Variants in ALG14 observed in about 807,000 individuals in gnomAD.
ALG14 encodes the protein ALG14 UDP-N-acetylglucosaminyltransferase subunit.
Under a neutral mutation model 22.8 loss-of-function variants are expected in ALG14, and 17 were observed. The observed-to-expected ratio is 0.75, with a 90% CI of 0.51 to 1.12. ALG14 has a LOEUF of 1.12. ALG14 is among the 50% of genes most tolerant of loss of function. The pLI, the probability that ALG14 is intolerant of heterozygous loss-of-function variation, is 0.00. For synonymous variants in ALG14, 89 were observed against 103.7 expected (o/e 0.86, Z 0.86); for missense variants, 288 against 271.8 (o/e 1.06, Z -0.42).
intron 3 of ALG14, among the ~76,000 whole-genome samples, chr1:95,012,736 T>A (rs1045769317): frequency 6.6e-6 from 1 of 152,178 alleles, no homozygotes; most frequent in Non-Finnish European, 1.5e-5. Context: ...AATCAGAGAC[T>A]CTTGGAGCTG....
At position 95,045,810 on chromosome 1, in the gene ALG14, C is replaced by T. The variant is rs531769699; in HGVS notation, c.289-18550G>A. ...TAGAATTAGTATACTAATAGAATGG[C>T]ATACTAATAGAATTAATATACTAAT... On this transcript the variant is annotated intron_variant, in intron 2 of 3. Coordinates refer to ENST00000370205, the MANE Select transcript of ALG14 (RefSeq NM_144988.4). 8.9e-3 allele frequency among the ~76,000 whole-genome samples: 1,258 copies of T among 141,298 alleles called. 65 individuals are homozygous for T. The highest frequency in any genetic ancestry group is 0.031 in the African/African-American group (1,197 of 38,144). 92.7% of individuals were successfully genotyped at this position (141,298 alleles called of 152,430 possible). A position where few individuals can be genotyped will look rare whatever the true frequency, so the allele number is the denominator to read the frequency against.
intron 2 of ALG14, among the ~76,000 whole-genome samples, chr1:95,034,495 G>T (rs1344725106): frequency 6.6e-6 from 1 of 152,188 alleles, no homozygotes; most frequent in Non-Finnish European, 1.5e-5. Flanking sequence ...GCTGGATGGT[G>T]ATGGGGAAGA....
chr1:95,054,793 T>C (rs113099415), intron 2 of ALG14, among the ~76,000 whole-genome samples: 9 of 152,288 alleles, frequency 5.9e-5, no homozygotes, highest in Non-Finnish European at 8.8e-5. Context: ...GAATAAAAAG[T>C]TGTCTATACT....
chr1:95,037,527 G>A (rs1403552026), intron 2 of ALG14, among the ~76,000 whole-genome samples: 1 of 152,194 alleles, frequency 6.6e-6, no homozygotes, highest in African/African-American at 2.4e-5. Flanking sequence ...ACTGTGGGAA[G>A]CCCGGTGGAG....
chr1:95,005,620 G>A (rs928468481), intron 3 of ALG14, among the ~76,000 whole-genome samples: 3 of 152,190 alleles, frequency 2.0e-5, no homozygotes, highest in South Asian at 2.1e-4. Flanking sequence ...CCTCTTTACT[G>A]CATTCTTTAC....
At chr1:95,025,547 C>T (rs1327201391) in intron 3 of ALG14, among the ~76,000 whole-genome samples, 1 of 152,178 alleles carries the variant, frequency 6.6e-6, no homozygotes, top group African/African-American at 2.4e-5. Flanking sequence ...TGAATGACAT[C>T]GTCGAATATA....
chr1:94,985,501 T>C (rs1408557410), intron 3 of ALG14, among the ~76,000 whole-genome samples: 1 of 152,226 alleles, frequency 6.6e-6, no homozygotes, highest in Non-Finnish European at 1.5e-5. Context: ...TGTTCTTTTC[T>C]TAGTCTTTGT....
At chr1:94,988,815 A>G (rs1258446208) in intron 3 of ALG14, among the ~76,000 whole-genome samples, 2 of 152,222 alleles carry the variant, frequency 1.3e-5, no homozygotes, top group African/African-American at 2.4e-5. Flanking sequence ...CCTCTTTTAA[A>G]TATTAACTTT....
At chr1:95,013,780 G>A (rs943609186) in intron 3 of ALG14, among the ~76,000 whole-genome samples, 1 of 152,150 alleles carries the variant, frequency 6.6e-6, no homozygotes, top group Non-Finnish European at 1.5e-5. Flanking sequence ...TATAGGCCTA[G>A]TGAGAAAACT....
intron 2 of ALG14, among the ~76,000 whole-genome samples, chr1:95,047,648 T>G (rs1171751840): frequency 1.3e-5 from 2 of 152,138 alleles, no homozygotes; most frequent in African/African-American, 4.8e-5. Flanking sequence ...CTGGCCTGTT[T>G]TTTTGCATAT....
chr1:95,071,973 G>A (rs563258260), intron 1 of ALG14, among the ~76,000 whole-genome samples: 2 of 152,326 alleles, frequency 1.3e-5, no homozygotes, highest in African/African-American at 2.4e-5. Flanking sequence ...CACGGAGTCA[G>A]CACTCCGTGG....
At chr1:95,022,243 AACTC>A (rs1246479271) in intron 3 of ALG14, 1 of 879,910 alleles carries the variant, frequency 1.1e-6, no homozygotes, top group African/African-American at 1.8e-5. Flanking sequence ...TGTTGTTCGG[AACTC>A]ACTCAATGTG....
chr1:95,048,805 T>C lies in ALG14; in HGVS notation c.288+16061A>G, dbSNP rs888150815. 4.6e-5 allele frequency among the ~76,000 whole-genome samples: 7 copies of C among 152,258 alleles called. No individual in the cohort carries two copies. In the East Asian group the frequency reaches 5.8e-4, roughly 13 times the overall value. On this transcript the variant is annotated intron_variant, in intron 2 of 3. Coordinates refer to ENST00000370205, the MANE Select transcript of ALG14 (RefSeq NM_144988.4). ...CACAGTCAAATATCCTTTTTTTTTT[T>C]CTTAGCTCTCCACTCTTTGCCTTTC...
In ALG14 at chr1:94,977,319, T is replaced by A. The variant is rs1672416163; in HGVS notation, c.*5757A>T. 2 of 152,108 alleles carry A rather than the reference T, an allele frequency of 1.3e-5. No homozygotes were observed. The highest frequency in any genetic ancestry group is 2.9e-5 in the Non-Finnish European group (2 of 68,032). 9.4% of individuals were successfully genotyped at this position (152,108 alleles called of 1,614,324 possible). ...ACATAGTGAAACCCTGCCTCTTATT[T>A]TAAAAAAAGAAGAGATGAATTCGCT... On this transcript the variant is annotated 3_prime_UTR_variant, in exon 4 of 4. Coordinates refer to ENST00000370205, the MANE Select transcript of ALG14 (RefSeq NM_144988.4).
chr1:95,025,519 C>T (rs542486571), intron 3 of ALG14, among the ~76,000 whole-genome samples: 75 of 152,310 alleles, frequency 4.9e-4, no homozygotes, highest in African/African-American at 1.7e-3. Flanking sequence ...ATTGACTTCT[C>T]TTTAGCCACG....
intron 3 of ALG14, among the ~76,000 whole-genome samples, chr1:95,020,131 C>T (rs958052579): frequency 7.9e-5 from 12 of 151,628 alleles, no homozygotes; most frequent in South Asian, 2.1e-4. Context: ...GCAGGAGAAT[C>T]GCTTGAACTC....
chr1:95,063,270 T>C lies in ALG14; in HGVS notation c.288+1596A>G, dbSNP rs547149833. On this transcript the variant is annotated intron_variant, in intron 2 of 3. Transcript: ENST00000370205. ...GTCTGTTCACTCTGATGAGTTTCTT[T>C]TGCTGTGCACAAGCTCTTTAGTTTA... is the stretch of plus-strand genomic sequence containing the variant. Among the ~76,000 whole-genome samples, 25 of 152,370 alleles carry C rather than the reference T, an allele frequency of 1.6e-4. No individual in the cohort carries two copies. In the South Asian group the frequency reaches 5.2e-3, roughly 32 times the overall value.
At position 94,974,986 on chromosome 1, in the gene ALG14, G is replaced by T. The variant is rs1418568080; in HGVS notation, c.*8090C>A. On this transcript the variant is annotated 3_prime_UTR_variant, in exon 4 of 4. Transcript: ENST00000370205. ...TGAGATGACTCAAAGTCTATACTAA[G>T]ATGTGACTGTCAATTGGAATGTCTA... 6.6e-6 allele frequency: 1 copy of T among 152,180 alleles called. No homozygotes were observed. The highest frequency in any genetic ancestry group is 6.5e-5 in the Admixed American group (1 of 15,286). 9.4% of individuals were successfully genotyped at this position (152,180 alleles called of 1,614,324 possible).
At chr1:95,016,942 GGTGT>G (rs55962309) in intron 3 of ALG14, among the ~76,000 whole-genome samples, 16,429 of 129,066 alleles carry the variant, frequency 0.13, 968 homozygotes, top group South Asian at 0.16. Context: ...TTGCAAAAGG[GGTGT>G]GTGTGTGTGT....
Sources: gnomAD v4.1 joint callset for allele counts (sites outside exome capture counted in the v4.1 genomes callset) on GRCh38, gnomAD v4.1.1 for gene constraint, MANE v1.5 for transcripts, NCBI Gene and HGNC (gene_info 2026-07-23, HGNC 2026-07-21) for gene names.